The following PPFIA2 variants were observed in gnomAD, a reference collection of about 807,000 sequenced individuals.
PPFIA2 encodes PPFI scaffold protein A2, also known as liprin-alpha-2.
PPFIA2 carries 46 observed loss-of-function variants against 175.5 expected under a neutral mutation model. The observed-to-expected ratio is 0.26, with a 90% CI of 0.21 to 0.34. The LOEUF is 0.34. Among genes scored for constraint, PPFIA2 ranks in the 10% least tolerant of loss-of-function variants. PPFIA2 has a pLI of 1.00. For synonymous variants in PPFIA2, 568 were observed against 511.4 expected, an observed-to-expected ratio of 1.11 and a Z score of -1.49; for missense variants, 1,179 against 1,506.1, an observed-to-expected ratio of 0.78 and a Z score of 3.60.
intron 4 of PPFIA2, among the ~76,000 whole-genome samples, chr12:81,481,913 C>T (rs991840042): frequency 6.6e-6 from 1 of 152,128 alleles, no homozygotes; most frequent in African/African-American, 2.4e-5. Context: ...AACTAAAGAG[C>T]TTCTGCACAG....
intron 4 of PPFIA2, among the ~76,000 whole-genome samples, chr12:81,592,695 A>C (rs2058807179): frequency 6.6e-6 from 1 of 152,102 alleles, no homozygotes; most frequent in Admixed American, 6.6e-5. Flanking sequence ...CCTCAGTCAC[A>C]GGGAACTGTA....
intron 3 of PPFIA2, 76 bp downstream of exon 3, chr12:81,753,896 AT>A (rs556020804): frequency 7.1e-5 from 109 of 1,525,604 alleles, no homozygotes; most frequent in African/African-American, 6.2e-4. Context: ...GAAAAGTAAC[AT>A]TAAGAATGGG....
At chr12:81,668,486 C>T (rs1052352087) in intron 4 of PPFIA2, among the ~76,000 whole-genome samples, 2 of 152,088 alleles carry the variant, frequency 1.3e-5, no homozygotes, top group African/African-American at 4.8e-5. Context: ...TACCTTACAT[C>T]TAACCCATGG....
At chr12:81,706,700 G>T (rs1596591039) in intron 3 of PPFIA2, among the ~76,000 whole-genome samples, 1 of 152,060 alleles carries the variant, frequency 6.6e-6, no homozygotes, top group African/African-American at 2.4e-5. Context: ...CCCACTTGAA[G>T]AGGCAGCCCG....
chr12:81,695,975 G>T (rs760459836), intron 3 of PPFIA2, among the ~76,000 whole-genome samples: 1 of 152,216 alleles, frequency 6.6e-6, no homozygotes, highest in South Asian at 2.1e-4. Flanking sequence ...CAGCAAAAAG[G>T]CTAATTTAAT....
At chr12:81,502,514 C>T (rs891004671) in intron 4 of PPFIA2, among the ~76,000 whole-genome samples, 2 of 152,086 alleles carry the variant, frequency 1.3e-5, no homozygotes, top group African/African-American at 4.8e-5. Context: ...ACAAGTTCAT[C>T]CAAACGATTT....
At chr12:81,598,044 G>A in intron 4 of PPFIA2, 2 of 1,534,796 alleles carry the variant, frequency 1.3e-6, no homozygotes, top group Non-Finnish European at 1.7e-6. Flanking sequence ...TCTGATCACT[G>A]AGACAATATA....
Position 81,366,871 on chromosome 12 carries a change from G to A in PPFIA2, c.1545+237C>T, listed in dbSNP as rs144482351. Among the ~76,000 whole-genome samples the A allele has an allele frequency of 3.9e-3, 589 of 151,790 alleles. 4 individuals are homozygous for A. The highest frequency in any genetic ancestry group is 0.017 in the Middle Eastern group (5 of 294). On this transcript the variant is annotated intron_variant, in intron 14 of 32. Coordinates refer to ENST00000549396, the MANE Select transcript of PPFIA2 (RefSeq NM_003625.5). ...CCTTTAATGGAAGAGTATGAGTATAGACTAATTTGGGGGGAGTTTCTGAAG... is the reference window on the plus strand; with the variant it reads ...CCTTTAATGGAAGAGTATGAGTATAAACTAATTTGGGGGGAGTTTCTGAAG...
intron 8 of PPFIA2, among the ~76,000 whole-genome samples, chr12:81,389,721 A>G (rs575637531): frequency 6.6e-6 from 1 of 152,178 alleles, no homozygotes; most frequent in African/African-American, 2.4e-5. Flanking sequence ...TTACCTTTAA[A>G]ATAAATTGTG....
chr12:81,575,543 G>A (rs923826342), intron 4 of PPFIA2, among the ~76,000 whole-genome samples: 4 of 151,660 alleles, frequency 2.6e-5, no homozygotes, highest in Admixed American at 6.6e-5. Context: ...GATAGACATC[G>A]GTGATATAAA....
chr12:81,477,698 A>C (rs970036188), intron 4 of PPFIA2, among the ~76,000 whole-genome samples: 4 of 152,124 alleles, frequency 2.6e-5, no homozygotes, highest in Non-Finnish European at 4.4e-5. Flanking sequence ...TATGTGATGA[A>C]TTACATTTAT....
chr12:81,276,620 A>T (rs1475829859), intron 28 of PPFIA2, among the ~76,000 whole-genome samples: 1 of 152,146 alleles, frequency 6.6e-6, no homozygotes, highest in African/African-American at 2.4e-5. Context: ...TTTTGAAATT[A>T]TCCTTTGTCG....
At chr12:81,354,992 C>T (rs780689795) in intron 16 of PPFIA2, among the ~76,000 whole-genome samples, 4 of 152,064 alleles carry the variant, frequency 2.6e-5, no homozygotes, top group Non-Finnish European at 5.9e-5. Flanking sequence ...TTCTTAATGG[C>T]GCCTAGAATG....
At chr12:81,556,077 G>A (rs2153381118) in intron 4 of PPFIA2, among the ~76,000 whole-genome samples, 1 of 152,006 alleles carries the variant, frequency 6.6e-6, no homozygotes, top group Non-Finnish European at 1.5e-5. Flanking sequence ...TGATATGTGG[G>A]AAACACTGGA....
chr12:81,677,027 C>T (rs1161048485), intron 3 of PPFIA2, among the ~76,000 whole-genome samples, 183 bp from the exon 4 acceptor site: 1 of 151,900 alleles, frequency 6.6e-6, no homozygotes, highest in East Asian at 1.9e-4. Flanking sequence ...TCTAGATATT[C>T]TCTCCAACTC....
At chr12:81,493,532 TG>T (rs1567052222) in intron 4 of PPFIA2, among the ~76,000 whole-genome samples, 1 of 151,864 alleles carries the variant, frequency 6.6e-6, no homozygotes, top group Non-Finnish European at 1.5e-5. Context: ...TCACCAGATT[TG>T]GCAACACAGA....
intron 4 of PPFIA2, among the ~76,000 whole-genome samples, chr12:81,578,448 TA>T (rs935066466): frequency 6.6e-6 from 1 of 151,780 alleles, no homozygotes; most frequent in Non-Finnish European, 1.5e-5. Flanking sequence ...ACCAGCTTAC[TA>T]AAATTAACAC....
chr12:81,658,647 A>G (rs1396400444), intron 4 of PPFIA2, among the ~76,000 whole-genome samples: 1 of 151,992 alleles, frequency 6.6e-6, no homozygotes, highest in Non-Finnish European at 1.5e-5. Flanking sequence ...GTAGAAGAAT[A>G]TACGTATATA....
intron 17 of PPFIA2, 63 bp from the exon 18 acceptor site, chr12:81,347,833 G>C: frequency 1.9e-6 from 3 of 1,562,922 alleles, no homozygotes; most frequent in Non-Finnish European, 2.6e-6. Flanking sequence ...ATATGCTGCT[G>C]TAAGGATCAT....
Sources: gnomAD v4.1 joint callset for allele counts (sites outside exome capture counted in the v4.1 genomes callset) on GRCh38, gnomAD v4.1.1 for gene constraint, MANE v1.5 for transcripts, NCBI Gene and HGNC (gene_info 2026-07-23, HGNC 2026-07-21) for gene names.